Variants in LYST observed in about 807,000 individuals in gnomAD.
The protein encoded by LYST is lysosomal-trafficking regulator.
In LYST, 192 loss-of-function variants were observed where a neutral mutation model predicts 413.6. The observed-to-expected ratio is 0.46, with a 90% CI of 0.41 to 0.52. The LOEUF (loss-of-function observed/expected upper bound fraction) is 0.52, where lower values mean the gene tolerates loss of function less well. LYST is among the 20% of genes least tolerant of loss of function. LYST has a pLI of 0.00. For synonymous variants in LYST, 1,525 were observed against 1,567.3 expected (o/e 0.97, Z 0.64); for missense variants, 3,815 against 4,499.9 (o/e 0.85, Z 4.35).
intron 40 of LYST, among the ~76,000 whole-genome samples, chr1:235,719,655 A>G (rs1242319072): frequency 6.6e-6 from 1 of 151,738 alleles, no homozygotes; most frequent in African/African-American, 2.4e-5. Flanking sequence ...AAATATATAT[A>G]AAGCTCACAT....
At chr1:235,678,704 T>G (rs186361277) in intron 48 of LYST, among the ~76,000 whole-genome samples, 5 of 152,340 alleles carry the variant, frequency 3.3e-5, no homozygotes, top group Non-Finnish European at 1.5e-5. Flanking sequence ...TACATATAAT[T>G]TGTGTACTGT....
chr1:235,867,576 G>T (rs1270275836), upstream of LYST, among the ~76,000 whole-genome samples: 2 of 152,196 alleles, frequency 1.3e-5, no homozygotes, highest in East Asian at 3.9e-4. Context: ...TATACAGTGC[G>T]CACTGTCAGT....
At chr1:235,800,600 T>C (rs1480494013) in intron 9 of LYST, among the ~76,000 whole-genome samples, 1 of 152,190 alleles carries the variant, frequency 6.6e-6, no homozygotes, top group Non-Finnish European at 1.5e-5. Context: ...TGTATTAAAA[T>C]TAAATGCATT....
chr1:235,771,109 A>G (rs946262373), intron 19 of LYST, among the ~76,000 whole-genome samples: 2 of 152,162 alleles, frequency 1.3e-5, no homozygotes, highest in African/African-American at 4.8e-5. Context: ...ATACTCTTCT[A>G]CCCAGGGTCT....
In LYST at chr1:235,809,223, G is replaced by T; in HGVS notation, c.1595C>A (p.Pro532Gln). 1 of 1,613,830 alleles carries T rather than the reference G, an allele frequency of 6.2e-7. No individual in the cohort carries two copies. Among genetic ancestry groups the T allele is most frequent in the Non-Finnish European group, 8.5e-7 (1 of 1,179,948 alleles). Reference sequence around the variant, plus strand: ...ATCTCCATCTGCAGTCTCTTCAAATGGGTTTTTGGAAACCTGGTTTTTAAA... The same window carrying T: ...ATCTCCATCTGCAGTCTCTTCAAATTGGTTTTTGGAAACCTGGTTTTTAAA... ...SAFKNQVSKNPFEETADGDVY... is the reference protein window; with the variant it reads ...SAFKNQVSKNQFEETADGDVY... The change falls in exon 5 of 53, where the codon CCA becomes CAA. Residue 532 changes from proline (P) to glutamine (Q), a missense_variant. By Grantham distance (76) the Pro-to-Gln change is moderately conservative. Transcript: ENST00000389793. This position sits in a 1 kb window ranked among gnomAD's most constrained non-coding sequence, Gnocchi z 4.0.
chr1:235,698,632 G>A (rs1400890645), intron 45 of LYST, among the ~76,000 whole-genome samples: 3 of 152,142 alleles, frequency 2.0e-5, no homozygotes, highest in Non-Finnish European at 4.4e-5. Flanking sequence ...AGCACTTTGG[G>A]AGGCCGAGGC....
At chr1:235,871,735 A>G (rs1377464003), upstream of LYST, among the ~76,000 whole-genome samples, 3 of 152,190 alleles carry the variant, frequency 2.0e-5, no homozygotes, top group Non-Finnish European at 4.4e-5. Context: ...CTAATAAACT[A>G]TCTTAACTTC....
At chr1:235,763,687 G>A (rs145055043) in intron 21 of LYST, among the ~76,000 whole-genome samples, 23 of 151,706 alleles carry the variant, frequency 1.5e-4, no homozygotes, top group African/African-American at 5.6e-4. Context: ...TTGAACTCCT[G>A]GCCTCAAGTG....
At position 235,808,823 on chromosome 1, in the gene LYST, T is replaced by C. The variant is rs373127205; in HGVS notation, c.1995A>G (p.Ser665=). 5.0e-5 allele frequency: 80 copies of C among 1,613,896 alleles called. No individual in the cohort carries two copies. Among genetic ancestry groups the C allele is most frequent in the Non-Finnish European group, 6.5e-5 (77 of 1,180,004 alleles). ...QGNLCDAELS[S]SLSSPSYRFQ... is the part of the protein sequence containing the mutation. ...ATCTGTAAGAAGGACTGGATAAACT[T>C]GAGGAGAGTTCAGCATCACATAAGT... The change falls in exon 5 of 53, where the codon TCA becomes TCG. Residue 665 remains serine (S), a synonymous_variant. Coordinates refer to ENST00000389793, the MANE Select transcript of LYST (RefSeq NM_000081.4).
At chr1:235,685,358 C>T (rs1415832976) in intron 48 of LYST, among the ~76,000 whole-genome samples, 1 of 152,084 alleles carries the variant, frequency 6.6e-6, no homozygotes, top group Admixed American at 6.5e-5. Flanking sequence ...CAGTCTCATG[C>T]CCTTGGAAGT....
chr1:235,662,973 G>C lies in LYST; in HGVS notation c.11373C>G (p.Phe3791Leu), dbSNP rs766721219. 6.2e-7 allele frequency: 1 copy of C among 1,610,252 alleles called. No homozygotes were observed. Among genetic ancestry groups the C allele is most frequent in the East Asian group, 2.2e-5 (1 of 44,858 alleles). Residue 3791 changes from phenylalanine (F) to leucine (L), a missense_variant, in exon 53 of 53, where the codon TTC becomes TTG. By Grantham distance (22) the Phe-to-Leu change is conservative (BLOSUM62 0). Coordinates refer to ENST00000389793, the MANE Select transcript of LYST (RefSeq NM_000081.4). ...CTGCATAGCTGCTAAGGAAGGAATA[G>C]AACATTGGCTGTTTCAAGCGCTGCT... Reference protein sequence around the residue: ...KDQQRLKQPMFYSFLSSYAAG With the variant: ...KDQQRLKQPMLYSFLSSYAAG
At chr1:235,826,968 G>A (rs946804590) in intron 3 of LYST, among the ~76,000 whole-genome samples, 1 of 152,038 alleles carries the variant, frequency 6.6e-6, no homozygotes, top group African/African-American at 2.4e-5. Context: ...CTGATGTGAG[G>A]TGTATTTGTC....
chr1:235,725,494 CTT>C (rs1663779550), intron 38 of LYST, among the ~76,000 whole-genome samples: 1 of 152,024 alleles, frequency 6.6e-6, no homozygotes, highest in Non-Finnish European at 1.5e-5. Context: ...AAGCTTGTCT[CTT>C]TTGGCCTGGA....
intron 1 of LYST, among the ~76,000 whole-genome samples, chr1:235,874,090 A>G (rs1681042558): frequency 6.6e-6 from 1 of 152,208 alleles, no homozygotes; most frequent in Non-Finnish European, 1.5e-5. Context: ...AAAAATATAT[A>G]TGTGTGTTTC....
At chr1:235,813,084 C>T in intron 3 of LYST, 23 bp from the exon 4 acceptor site, 1 of 1,352,946 alleles carries the variant, frequency 7.4e-7, no homozygotes, top group Middle Eastern at 1.8e-4. Flanking sequence ...CAAAAGAATC[C>T]TTCATGTTCT....
At chr1:235,670,050 C>T (rs1259978553) in intron 50 of LYST, among the ~76,000 whole-genome samples, 4 of 152,186 alleles carry the variant, frequency 2.6e-5, no homozygotes, top group African/African-American at 7.2e-5. Flanking sequence ...GTCTTTCTTG[C>T]TCTGTACACA....
Position 235,759,329 on chromosome 1 carries a change from C to A in LYST, c.6524G>T (p.Cys2175Phe), listed in dbSNP as rs768272074. Reference sequence around the variant, plus strand: ...GGCTGAGAGGACAGCTTCCATTTCACAAACAGTTTTTGCAGACTCACAGCT... The same window carrying A: ...GGCTGAGAGGACAGCTTCCATTTCAAAAACAGTTTTTGCAGACTCACAGCT... ...ISSCESAKTV[C>F]EMEAVLSAQV... The change falls in exon 23 of 53, where the codon TGT becomes TTT. Residue 2175 changes from cysteine to phenylalanine, a missense_variant. By Grantham distance (205) the Cys-to-Phe change is radical (BLOSUM62 -2). Coordinates refer to ENST00000389793, the MANE Select transcript of LYST (RefSeq NM_000081.4). The A allele has an allele frequency of 6.2e-6, 10 of 1,614,186 alleles. 1 individual carries two copies. In the South Asian group the frequency reaches 9.9e-5, roughly 16 times the overall value.
chr1:235,879,985 C>A (rs369474434), intron 1 of LYST, among the ~76,000 whole-genome samples: 23 of 152,198 alleles, frequency 1.5e-4, no homozygotes, highest in Non-Finnish European at 2.8e-4. Context: ...GATCTGCCCA[C>A]CTCAGCCTCC....
At chr1:235,738,212 C>T (rs1664987922) in intron 31 of LYST, 3 of 1,610,486 alleles carry the variant, frequency 1.9e-6, no homozygotes, top group Non-Finnish European at 2.5e-6. Flanking sequence ...GCAGCCTTTT[C>T]CTTAGAACAC....
Sources: allele counts gnomAD v4.1 joint callset (sites outside exome capture counted in the v4.1 genomes callset), GRCh38; gene constraint gnomAD v4.1.1; non-coding constraint Gnocchi (gnomAD v3.1); transcripts MANE v1.5; gene names NCBI Gene and HGNC (gene_info 2026-07-23, HGNC 2026-07-21).